Variants in TMEM108 observed in about 807,000 individuals in gnomAD.
TMEM108 encodes transmembrane protein 108.
In TMEM108, 12 loss-of-function variants were observed where a neutral mutation model predicts 35.1. The observed-to-expected ratio is 0.34, with a 90% CI of 0.22 to 0.55. The LOEUF is 0.55. Among genes scored for constraint, TMEM108 ranks in the 20% least tolerant of loss-of-function variants. The pLI is 0.89. For missense variants in TMEM108, 680 were observed against 753.3 expected (o/e 0.90, Z 1.14); for synonymous variants, 287 against 308.6 (o/e 0.93, Z 0.73).
chr3:133,078,158 T>C (rs558062916), intron 2 of TMEM108, among the ~76,000 whole-genome samples: 3 of 116,858 alleles, frequency 2.6e-5, no homozygotes, highest in East Asian at 2.3e-4. Context: ...TGTGTGTGTG[T>C]GCACGCGCGC....
chr3:133,222,776 G>T (rs1194622086), intron 2 of TMEM108, among the ~76,000 whole-genome samples: 1 of 151,468 alleles, frequency 6.6e-6, no homozygotes, highest in African/African-American at 2.4e-5. Context: ...TCTCATTTTG[G>T]TCATTTATTA....
At chr3:133,229,049 G>A (rs540181966) in intron 2 of TMEM108, among the ~76,000 whole-genome samples, 1 of 152,268 alleles carries the variant, frequency 6.6e-6, no homozygotes, top group African/African-American at 2.4e-5. Flanking sequence ...GCTTCCTTCA[G>A]TGGGGTGTAT....
chr3:133,192,751 T>C (rs1433828192), intron 2 of TMEM108: 1 of 152,324 alleles, frequency 6.6e-6, no homozygotes, highest in Non-Finnish European at 1.5e-5. Context: ...CAGGCTTCTT[T>C]GTGAGTATGC....
intron 3 of TMEM108, among the ~76,000 whole-genome samples, chr3:133,279,714 A>T (rs1460135448): frequency 6.6e-6 from 1 of 152,214 alleles, no homozygotes; most frequent in East Asian, 1.9e-4. Context: ...CTTTATAGAT[A>T]TTAGGTGCTC....
intron 2 of TMEM108, among the ~76,000 whole-genome samples, chr3:133,200,989 T>C (rs907675435): frequency 6.6e-6 from 1 of 152,182 alleles, no homozygotes; most frequent in Non-Finnish European, 1.5e-5. Flanking sequence ...GCACCCCTTA[T>C]GTTAATTTTG....
intron 3 of TMEM108, among the ~76,000 whole-genome samples, chr3:133,305,855 A>T (rs1050633903): frequency 6.6e-6 from 1 of 152,104 alleles, no homozygotes; most frequent in Non-Finnish European, 1.5e-5. Flanking sequence ...GCATTTTTCA[A>T]TATATTTATT....
chr3:133,279,345 A>G (rs16840173), intron 3 of TMEM108, among the ~76,000 whole-genome samples: 1 of 152,274 alleles, frequency 6.6e-6, no homozygotes, highest in Admixed American at 6.5e-5. Flanking sequence ...TCATGAGACC[A>G]TCCTAGTTTT....
chr3:133,234,807 A>C lies in TMEM108; in HGVS notation c.40+5456A>C, dbSNP rs561852846. Among the ~76,000 whole-genome samples the C allele has an allele frequency of 2.0e-5, 3 of 152,300 alleles. No homozygotes were observed. In the East Asian group the frequency reaches 5.8e-4, roughly 29 times the overall value. The stretch of plus-strand genomic sequence containing the variant: ...ATTCAATTAGGAAAAGAGGAAGTCA[A>C]ATTGTCCCTGTTTGCAGACGACATG... On this transcript the variant is annotated intron_variant, in intron 3 of 5. Transcript: ENST00000321871.
intron 2 of TMEM108, among the ~76,000 whole-genome samples, chr3:133,086,271 C>T (rs2176958): frequency 0.24 from 36,307 of 152,028 alleles, 4,505 homozygotes; most frequent in East Asian, 0.31. Flanking sequence ...ACCTTAGTTC[C>T]CTTCTTACTT....
chr3:133,070,213 T>C (rs1943659760), intron 2 of TMEM108, among the ~76,000 whole-genome samples: 1 of 152,128 alleles, frequency 6.6e-6, no homozygotes, highest in South Asian at 2.1e-4. Flanking sequence ...TTTGATAGCC[T>C]GCCACAGTCA....
chr3:133,164,016 T>C (rs1481461675), intron 2 of TMEM108, among the ~76,000 whole-genome samples: 5 of 152,164 alleles, frequency 3.3e-5, no homozygotes, highest in Non-Finnish European at 7.4e-5. Flanking sequence ...CTTACCTAGG[T>C]TTCCATTTTA....
chr3:133,150,845 C>G (rs1167340990), intron 2 of TMEM108, among the ~76,000 whole-genome samples: 1 of 152,078 alleles, frequency 6.6e-6, no homozygotes, highest in East Asian at 1.9e-4. Flanking sequence ...AGACTCCCAC[C>G]TTCCTTTCCA....
intron 3 of TMEM108, among the ~76,000 whole-genome samples, chr3:133,277,389 A>G (rs1475292923): frequency 6.6e-6 from 1 of 152,234 alleles, no homozygotes; most frequent in Non-Finnish European, 1.5e-5. Flanking sequence ...ATCTCTGTAA[A>G]GAGTACAAAA....
At chr3:133,261,808 C>T (rs1946628987) in intron 3 of TMEM108, among the ~76,000 whole-genome samples, 1 of 152,134 alleles carries the variant, frequency 6.6e-6, no homozygotes, top group African/African-American at 2.4e-5. Flanking sequence ...GGTATTTTAG[C>T]GGCTGCTTCA....
At chr3:133,165,172 C>G (rs1262670868) in intron 2 of TMEM108, among the ~76,000 whole-genome samples, 3 of 152,184 alleles carry the variant, frequency 2.0e-5, no homozygotes, top group African/African-American at 7.2e-5. Context: ...CTGTATCACT[C>G]TTCAGGCTCA....
intron 3 of TMEM108, among the ~76,000 whole-genome samples, chr3:133,294,438 C>T (rs953265813): frequency 1.3e-5 from 2 of 152,166 alleles, no homozygotes; most frequent in Admixed American, 6.5e-5. Context: ...GAGCCATCAC[C>T]TCATGATGAC....
At chr3:133,056,893 C>T (rs1257245213) in intron 2 of TMEM108, among the ~76,000 whole-genome samples, 4 of 152,206 alleles carry the variant, frequency 2.6e-5, no homozygotes, top group Admixed American at 6.5e-5. Flanking sequence ...TTATCGTGAA[C>T]GTCGAATGCT....
At chr3:133,394,634 C>G (rs374711466) in intron 5 of TMEM108, among the ~76,000 whole-genome samples, 2 of 152,218 alleles carry the variant, frequency 1.3e-5, no homozygotes, top group East Asian at 3.8e-4. Flanking sequence ...AACCCAAAAG[C>G]ATGGTGGAGG....
chr3:133,143,921 CTTTTATTTTATTTTA>C (rs3078779), intron 2 of TMEM108, among the ~76,000 whole-genome samples: 2,393 of 131,230 alleles, frequency 0.018, 40 homozygotes, highest in African/African-American at 0.037. Flanking sequence ...GGAAGGCTCA[CTTTTATTTTATTTTA>C]TTTTATTTTA....
Sources: allele counts gnomAD v4.1 joint callset (sites outside exome capture counted in the v4.1 genomes callset), GRCh38; gene constraint gnomAD v4.1.1; transcripts MANE v1.5; gene names NCBI Gene and HGNC (gene_info 2026-07-23, HGNC 2026-07-21).